SLC71A2: variants seen among roughly 807,000 people sequenced by gnomAD.
SLC71A2 encodes the protein hippocampus abundant transcript-like 1.
the SLC71A2 span, among the ~76,000 whole-genome samples, chr9:94,380,068 C>T: frequency 6.6e-6 from 1 of 152,300 alleles, no homozygotes; most frequent in African/African-American, 2.4e-5. Context: ...GAGATTGAGA[C>T]CATCCTGGCT....
At chr9:94,390,894 A>G in the SLC71A2 span, among the ~76,000 whole-genome samples, 2 of 152,024 alleles carry the variant, frequency 1.3e-5, no homozygotes, top group African/African-American at 2.4e-5. Context: ...TGCATAGCTT[A>G]TTACTTCCTT....
the SLC71A2 span, among the ~76,000 whole-genome samples, chr9:94,387,711 T>C: frequency 6.6e-6 from 1 of 152,216 alleles, no homozygotes; most frequent in East Asian, 1.9e-4. Flanking sequence ...AATTTTGTTT[T>C]TCGTATTCAA....
the SLC71A2 span, among the ~76,000 whole-genome samples, chr9:94,455,629 AC>A: frequency 1.3e-5 from 2 of 152,222 alleles, no homozygotes; most frequent in East Asian, 1.9e-4. Context: ...TGTTAAAAAG[AC>A]TTTGTCATCA....
chr9:94,444,908 C>A, the SLC71A2 span: 2 of 1,542,858 alleles, frequency 1.3e-6, no homozygotes, highest in Non-Finnish European at 1.8e-6. Context: ...TAAGGATATG[C>A]TTTCCCCAGA....
At chr9:94,382,630 C>T in the SLC71A2 span, among the ~76,000 whole-genome samples, 65 of 151,736 alleles carry the variant, frequency 4.3e-4, no homozygotes, top group Non-Finnish European at 7.4e-4. Context: ...AAATTGTTGC[C>T]TAATCCCAAA....
chr9:94,408,174 T>A, the SLC71A2 span, among the ~76,000 whole-genome samples: 23 of 152,344 alleles, frequency 1.5e-4, no homozygotes, highest in South Asian at 4.8e-3. Flanking sequence ...GCAAAAGCAA[T>A]ATGCATTGAG....
At chr9:94,419,833 G>A in the SLC71A2 span, among the ~76,000 whole-genome samples, 1 of 152,136 alleles carries the variant, frequency 6.6e-6, no homozygotes, top group African/African-American at 2.4e-5. Flanking sequence ...TCTACAGTAT[G>A]CAGCTGCTGA....
chr9:94,378,880 A>G, the SLC71A2 span, among the ~76,000 whole-genome samples: 5 of 150,900 alleles, frequency 3.3e-5, no homozygotes, highest in Non-Finnish European at 7.4e-5. Context: ...ATACAGTTCT[A>G]GAACTTTATA....
At chr9:94,417,858 A>C in the SLC71A2 span, among the ~76,000 whole-genome samples, 5,347 of 60,676 alleles carry the variant, frequency 0.088, 59 homozygotes, top group East Asian at 0.12. Context: ...TTCCCACCCC[A>C]CCCCCCCCCC....
chr9:94,444,348 C>T, the SLC71A2 span, among the ~76,000 whole-genome samples: 17 of 152,328 alleles, frequency 1.1e-4, no homozygotes, highest in African/African-American at 4.1e-4. Flanking sequence ...AGACAGAAAT[C>T]TACAGCTGTC....
At chr9:94,425,727 G>A in the SLC71A2 span, among the ~76,000 whole-genome samples, 1 of 151,988 alleles carries the variant, frequency 6.6e-6, no homozygotes, top group Admixed American at 6.6e-5. Context: ...TGTGGCTAAT[G>A]TTGGTCCTAC....
chr9:94,420,696 C>T, the SLC71A2 span, among the ~76,000 whole-genome samples: 1 of 150,306 alleles, frequency 6.7e-6, no homozygotes, highest in Non-Finnish European at 1.5e-5. Context: ...GTCAGGAGTT[C>T]GAGATTAGCC....
At chr9:94,390,932 A>G in the SLC71A2 span, among the ~76,000 whole-genome samples, 1 of 152,026 alleles carries the variant, frequency 6.6e-6, no homozygotes. Context: ...AAGTTTGATC[A>G]TGGGAACAAT....
At chr9:94,408,557 T>C in the SLC71A2 span, among the ~76,000 whole-genome samples, 1 of 152,094 alleles carries the variant, frequency 6.6e-6, no homozygotes, top group Non-Finnish European at 1.5e-5. Flanking sequence ...ATTTATATTT[T>C]CTGTTTCTTC....
the SLC71A2 span, among the ~76,000 whole-genome samples, chr9:94,447,681 A>G: frequency 4.6e-5 from 7 of 152,120 alleles, no homozygotes; most frequent in Non-Finnish European, 8.8e-5. Flanking sequence ...ATCTTAACAT[A>G]AAGTCCACAG....
At chr9:94,441,129 AC>A in the SLC71A2 span, 1 of 1,234,036 alleles carries the variant, frequency 8.1e-7, no homozygotes, top group Non-Finnish European at 1.2e-6. Flanking sequence ...ATATTTTTTA[AC>A]CAGAATAGTA....
At chr9:94,451,452 A>G in the SLC71A2 span, 9 of 1,485,010 alleles carry the variant, frequency 6.1e-6, no homozygotes, top group African/African-American at 1.4e-5. Context: ...TTTCATTTCC[A>G]TAGGTCATAG....
the SLC71A2 span, among the ~76,000 whole-genome samples, chr9:94,379,569 T>A: frequency 6.6e-6 from 1 of 151,124 alleles, no homozygotes; most frequent in Non-Finnish European, 1.5e-5. Context: ...TTTAAATTTT[T>A]TTGTAGAGAT....
At chr9:94,399,185 G>A in the SLC71A2 span, among the ~76,000 whole-genome samples, 1 of 152,162 alleles carries the variant, frequency 6.6e-6, no homozygotes, top group African/African-American at 2.4e-5. Context: ...TTGGGGGCCT[G>A]AGTTAGTGAG....
Sources: gnomAD v4.1 joint callset for allele counts (sites outside exome capture counted in the v4.1 genomes callset) on GRCh38, gnomAD v4.1.1 for gene constraint, MANE v1.5 for transcripts, NCBI Gene and HGNC (gene_info 2026-07-23, HGNC 2026-07-21) for gene names.